The following AHRR variants were observed in gnomAD, a reference collection of about 807,000 sequenced individuals.
AHRR encodes ahR repressor.
A neutral mutation model predicts 44.0 loss-of-function variants in AHRR; 28 were observed. The ratio of observed to expected loss-of-function variants is 0.64; its 90% CI spans 0.47 to 0.87. AHRR has a LOEUF of 0.87. AHRR is among the 40% of genes least tolerant of loss of function. The probability of loss-of-function intolerance (pLI) is 0.00; values close to 1 mark genes in which losing one functional copy is unlikely to be tolerated. For missense variants in AHRR, 990 were observed against 953.9 expected (o/e 1.04, Z -0.50); for synonymous variants, 434 against 407.0 (o/e 1.07, Z -0.80).
In AHRR at chr5:417,594, G is replaced by A. The variant is rs569967785; in HGVS notation, c.441+4161G>A. Among the ~76,000 whole-genome samples the A allele has an allele frequency of 1.4e-4, 22 of 152,302 alleles. 1 individual carries two copies. In the South Asian group the frequency reaches 4.6e-3, roughly 32 times the overall value. ...GAGCCGCTGCCTTTAGCCATGGCTC[G>A]ATGGTCTCACCCCAGGGTTTGGCTT... is the stretch of plus-strand genomic sequence containing the variant. On this transcript the variant is annotated intron_variant, in intron 5 of 10. Coordinates refer to ENST00000684583, the MANE Select transcript of AHRR (RefSeq NM_001377236.1).
At chr5:323,213 T>C (rs1336364697) in intron 1 of AHRR, among the ~76,000 whole-genome samples, 1 of 152,244 alleles carries the variant, frequency 6.6e-6, no homozygotes, top group Non-Finnish European at 1.5e-5. Flanking sequence ...AACGCTGCCG[T>C]CAGGAGGCCG....
At chr5:333,083 A>T (rs1579587825) in intron 1 of AHRR, among the ~76,000 whole-genome samples, 1 of 150,738 alleles carries the variant, frequency 6.6e-6, no homozygotes, top group East Asian at 2.0e-4. Flanking sequence ...GTGTCTTTTT[A>T]AAAAAATAGA....
chr5:420,660 G>C (rs1736037024), intron 5 of AHRR, among the ~76,000 whole-genome samples: 1 of 152,198 alleles, frequency 6.6e-6, no homozygotes, highest in South Asian at 2.1e-4. Context: ...GGAAGGGTTG[G>C]GCCTTGTGGT....
rs1169156145 is a variant in AHRR, at chr5:387,084, CT to C, written c.351+10369del. Among the ~76,000 whole-genome samples, 1 of 152,274 alleles carries C rather than the reference CT, an allele frequency of 6.6e-6. No individual in the cohort carries two copies. The highest frequency in any genetic ancestry group is 1.5e-5 in the Non-Finnish European group (1 of 68,056). Reference sequence around the variant, plus strand: ...TCTGCTGCACGGGGTGGGTCTGCCCCTGACAGGCAGTCCTTGGGGCCTTGGG... The same window carrying C: ...TCTGCTGCACGGGGTGGGTCTGCCCCGACAGGCAGTCCTTGGGGCCTTGGG... On this transcript the variant is annotated intron_variant, in intron 4 of 10. Coordinates refer to ENST00000684583, the MANE Select transcript of AHRR (RefSeq NM_001377236.1). This position sits in a 1 kb window ranked among gnomAD's most constrained non-coding sequence, Gnocchi z 5.1.
chr5:434,612 C>T lies in AHRR; in HGVS notation c.1872C>T (p.Gly624=). The T allele has an allele frequency of 1.9e-6, 3 of 1,564,088 alleles. No individual in the cohort carries two copies. The highest frequency in any genetic ancestry group is 2.4e-5 in the East Asian group (1 of 41,910). The change falls in exon 11 of 11, where the codon GGC becomes GGT. Residue 624 remains glycine (G), a synonymous_variant. Coordinates refer to ENST00000684583, the MANE Select transcript of AHRR (RefSeq NM_001377236.1). ...AHCACLEPTD[G]LPQSEPPHQL... Reference sequence around the variant, plus strand: ...GTGCCTGCCTGGAGCCCACAGACGGCCTTCCCCAGTCGGAGCCTCCCCACC... The same window carrying T: ...GTGCCTGCCTGGAGCCCACAGACGGTCTTCCCCAGTCGGAGCCTCCCCACC...
chr5:363,720 C>T (rs1560892345), intron 3 of AHRR, among the ~76,000 whole-genome samples: 1 of 152,290 alleles, frequency 6.6e-6, no homozygotes. Flanking sequence ...TTGCAGGCCT[C>T]GTGAAACCCC....
Position 404,208 on chromosome 5 carries a change from C to T in AHRR, c.352-9136C>T, listed in dbSNP as rs139754342. ...GGTCTTCTGCAGCCTTTGAACCCGT[C>T]GCAGCTCTCGCTCATCCATGAGTCT... On this transcript the variant is annotated intron_variant, in intron 4 of 10. Coordinates refer to ENST00000684583, the MANE Select transcript of AHRR (RefSeq NM_001377236.1). The surrounding 1 kb of genome is among the most constrained non-coding windows in gnomAD (Gnocchi z 4.1). The T allele has an allele frequency of 9.6e-6, 5 of 523,058 alleles. No homozygotes were observed. Among genetic ancestry groups the T allele is most frequent in the African/African-American group, 3.9e-5 (2 of 51,896 alleles). The allele number at this position is 523,058 out of a possible 1,614,324, so 32.4% of individuals were successfully genotyped here. A position where few individuals can be genotyped will look rare whatever the true frequency, so the allele number is the denominator to read the frequency against.
In AHRR at chr5:434,338, T is replaced by C. The variant is rs1379157345; in HGVS notation, c.1598T>C (p.Ile533Thr). The C allele has an allele frequency of 1.2e-6, 2 of 1,612,836 alleles. No homozygotes were observed. Among genetic ancestry groups the C allele is most frequent in the Non-Finnish European group, 8.5e-7 (1 of 1,179,562 alleles). ...CCGACGCTGCTGCTAGATGTGTCCA[T>C]CAAGATGGAGAAGGACTCTGGGTGT... ...CGPTLLLDVS[I>T]KMEKDSGCEG... The change falls in exon 11 of 11, where the codon ATC becomes ACC. Residue 533 changes from isoleucine to threonine, a missense_variant. By Grantham distance (89) the Ile-to-Thr change is moderately conservative (BLOSUM62 -1). Coordinates refer to ENST00000684583, the MANE Select transcript of AHRR (RefSeq NM_001377236.1).
chr5:387,307 C>T lies in AHRR; in HGVS notation c.351+10591C>T, dbSNP rs1257252843. Among the ~76,000 whole-genome samples, 7 of 152,310 alleles carry T rather than the reference C, an allele frequency of 4.6e-5. No homozygotes were observed. The highest frequency in any genetic ancestry group is 9.6e-5 in the African/African-American group (4 of 41,554). On this transcript the variant is annotated intron_variant, in intron 4 of 10. Coordinates refer to ENST00000684583, the MANE Select transcript of AHRR (RefSeq NM_001377236.1). This position sits in a 1 kb window ranked among gnomAD's most constrained non-coding sequence, Gnocchi z 5.1. ...ACTCCTGGTCTTCTGATGAGAAAGA[C>T]GATGTTTCTCTTGGGGTCATAGCTG...
At chr5:408,164 C>T (rs7723491) in intron 4 of AHRR, among the ~76,000 whole-genome samples, 28,092 of 152,212 alleles carry the variant, frequency 0.18, 3,960 homozygotes, top group African/African-American at 0.4. Flanking sequence ...CAGCGAGGCT[C>T]TGTTTACAAA....
rs1735197367 is a variant in AHRR, at chr5:405,037, T to C, written c.352-8307T>C. ...CATCCCATGGGCACATTGGATCCTT[T>C]ATTCAGTGACATAAACAACTAAGTC... is the stretch of plus-strand genomic sequence containing the variant. On this transcript the variant is annotated intron_variant, in intron 4 of 10. Transcript: ENST00000684583. This position sits in a 1 kb window ranked among gnomAD's most constrained non-coding sequence, Gnocchi z 4.5. Among the ~76,000 whole-genome samples the C allele has an allele frequency of 6.6e-6, 1 of 152,126 alleles. No homozygotes were observed. Among genetic ancestry groups the C allele is most frequent in the Non-Finnish European group, 1.5e-5 (1 of 68,020 alleles).
chr5:355,493 C>G (rs1381888060), intron 3 of AHRR, among the ~76,000 whole-genome samples: 1 of 152,134 alleles, frequency 6.6e-6, no homozygotes, highest in Admixed American at 6.5e-5. Flanking sequence ...GTCACATCGG[C>G]TTCCTCCCAC....
intron 7 of AHRR, chr5:427,498 C>A: frequency 1.9e-6 from 2 of 1,047,366 alleles, no homozygotes; most frequent in Non-Finnish European, 2.8e-6. Context: ...GCAGTTCGTG[C>A]CACCTGCGCA....
In AHRR at chr5:432,905, G is replaced by C. The variant is rs545599373; in HGVS notation, c.1070G>C (p.Arg357Pro). Residue 357 changes from arginine to proline, a missense_variant, in exon 10 of 11, where the codon CGG (arginine) becomes CCG (proline). Physicochemically the swap from Arg to Pro is moderately radical, Grantham distance 103. Coordinates refer to ENST00000684583, the MANE Select transcript of AHRR (RefSeq NM_001377236.1). ...GCCAGGGCCCCATGCCTGTGCCTCC[G>C]GGGTGGCCCTGACCTTGTCCTTGAC... ...VPARAPCLCL[R>P]GGPDLVLDPK... 6.8e-6 allele frequency: 11 copies of C among 1,613,336 alleles called. No individual in the cohort carries two copies. Among genetic ancestry groups the C allele is most frequent in the Non-Finnish European group, 9.3e-6 (11 of 1,179,896 alleles).
intron 3 of AHRR, among the ~76,000 whole-genome samples, chr5:373,440 C>T (rs545454172): frequency 4.1e-4 from 62 of 152,338 alleles, no homozygotes; most frequent in African/African-American, 1.4e-3. Flanking sequence ...GAGCTCCTCC[C>T]GCCCTGGGCC....
At chr5:351,495 C>A (rs563954314) in intron 2 of AHRR, among the ~76,000 whole-genome samples, 6 of 152,178 alleles carry the variant, frequency 3.9e-5, no homozygotes, top group Non-Finnish European at 8.8e-5. Context: ...AGAAAGAAGC[C>A]GGCCACAGAA....
At chr5:423,803 C>A in intron 6 of AHRR, 38 bp from the exon 7 acceptor site, 2 of 1,559,486 alleles carry the variant, frequency 1.3e-6, no homozygotes, top group South Asian at 1.1e-5. Context: ...GTTTTGGCTT[C>A]TCCCACCGCC....
chr5:427,637 G>T lies in AHRR; in HGVS notation c.709-170G>T, dbSNP rs533245835. On this transcript the variant is annotated intron_variant, in intron 7 of 10. Transcript: ENST00000684583. ...TCAAGCACATCGAATCACTCTGCAG[G>T]CCCGGGGGTCACAGGCTTGGCAGCT... The T allele has an allele frequency of 6.2e-6, 10 of 1,613,344 alleles. No individual in the cohort carries two copies. In the African/African-American group the frequency reaches 1.3e-4, roughly 22 times the overall value.
intron 6 of AHRR, 121 bp from the exon 7 acceptor site, chr5:423,720 G>A (rs1282231789): frequency 2.3e-6 from 3 of 1,315,768 alleles, no homozygotes; most frequent in Admixed American, 5.4e-5. Flanking sequence ...GGGGCGGGAG[G>A]ATGGCACAGT....
Sources: allele counts gnomAD v4.1 joint callset (sites outside exome capture counted in the v4.1 genomes callset), GRCh38; gene constraint gnomAD v4.1.1; non-coding constraint Gnocchi (gnomAD v3.1); transcripts MANE v1.5; gene names NCBI Gene and HGNC (gene_info 2026-07-23, HGNC 2026-07-21).